The following NTNG1 variants were observed in gnomAD, a reference collection of about 807,000 sequenced individuals.
NTNG1 encodes the protein netrin G1, also known as netrin-G1.
Under a neutral mutation model 54.0 loss-of-function variants are expected in NTNG1, and 16 were observed. That is an observed-to-expected ratio of 0.30 (90% CI 0.20 to 0.45). NTNG1 has a LOEUF of 0.45. NTNG1 is among the 20% of genes least tolerant of loss of function. The pLI, the probability that NTNG1 is intolerant of heterozygous loss-of-function variation, is 1.00. For synonymous variants in NTNG1, 255 were observed against 263.1 expected (o/e 0.97, Z 0.30); for missense variants, 530 against 678.7 (o/e 0.78, Z 2.43).
At chr1:107,185,131 A>G (rs1657357112) in intron 2 of NTNG1, among the ~76,000 whole-genome samples, 1 of 152,198 alleles carries the variant, frequency 6.6e-6, no homozygotes, top group Admixed American at 6.5e-5. Flanking sequence ...AATTTGTTAC[A>G]TAGCAGCTTT....
chr1:107,339,428 A>G (rs1668775639), intron 3 of NTNG1, among the ~76,000 whole-genome samples: 1 of 152,142 alleles, frequency 6.6e-6, no homozygotes, highest in South Asian at 2.1e-4. Flanking sequence ...CCTATAATGT[A>G]TAACATACAC....
chr1:107,303,327 G>A (rs1666439658), intron 2 of NTNG1, among the ~76,000 whole-genome samples: 1 of 152,150 alleles, frequency 6.6e-6, no homozygotes, highest in Non-Finnish European at 1.5e-5. Flanking sequence ...GTTAACCACA[G>A]CAGATTAATG....
chr1:107,392,462 G>A lies in NTNG1; in HGVS notation c.888-2692G>A, dbSNP rs56770061. Reference sequence around the variant, plus strand: ...TAGGCCAGAACCCAGAGAACAGCATGTGTAGTCAACAGGCTGAAGAGGTTC... The same window carrying A: ...TAGGCCAGAACCCAGAGAACAGCATATGTAGTCAACAGGCTGAAGAGGTTC... On this transcript the variant is annotated intron_variant, in intron 3 of 7. Coordinates refer to ENST00000370068, the MANE Select transcript of NTNG1 (RefSeq NM_001113226.3). Among the ~76,000 whole-genome samples the A allele has an allele frequency of 2.8e-3, 431 of 152,188 alleles. 7 individuals carry two copies. Among genetic ancestry groups the A allele is most frequent in the African/African-American group, 9.6e-3 (399 of 41,538 alleles).
At chr1:107,234,424 C>T (rs1661270594) in intron 2 of NTNG1, among the ~76,000 whole-genome samples, 1 of 151,912 alleles carries the variant, frequency 6.6e-6, no homozygotes, top group African/African-American at 2.4e-5. Context: ...AACCCAGCCC[C>T]TTTTCAGTTT....
At chr1:107,214,187 T>C (rs1557815229) in intron 2 of NTNG1, among the ~76,000 whole-genome samples, 1 of 152,164 alleles carries the variant, frequency 6.6e-6, no homozygotes, top group Non-Finnish European at 1.5e-5. Context: ...ATAAGTTCTT[T>C]AGTGGTGATT....
At chr1:107,368,187 T>G (rs931168820) in intron 3 of NTNG1, among the ~76,000 whole-genome samples, 9 of 152,320 alleles carry the variant, frequency 5.9e-5, no homozygotes, top group Admixed American at 4.6e-4. Context: ...TACCTCTGGT[T>G]CCAATGTCTT....
intron 5 of NTNG1, among the ~76,000 whole-genome samples, chr1:107,417,662 C>T (rs1674310010): frequency 6.6e-6 from 1 of 151,992 alleles, no homozygotes; most frequent in Non-Finnish European, 1.5e-5. Flanking sequence ...AGCCAAGAGC[C>T]ATCCTTATGG....
At chr1:107,299,153 T>A (rs1666168729) in intron 2 of NTNG1, among the ~76,000 whole-genome samples, 1 of 152,158 alleles carries the variant, frequency 6.6e-6, no homozygotes, top group Admixed American at 6.6e-5. Context: ...ATTGTCCAGA[T>A]GATATTGAAT....
chr1:107,148,852 T>G lies in NTNG1; in HGVS notation c.246+13T>G, dbSNP rs1394316395. 4 of 1,609,552 alleles carry G rather than the reference T, an allele frequency of 2.5e-6. No individual in the cohort carries two copies. The highest frequency in any genetic ancestry group is 3.4e-6 in the Non-Finnish European group (4 of 1,176,702). On this transcript the variant is annotated intron_variant, in intron 2 of 7. Coordinates refer to ENST00000370068, the MANE Select transcript of NTNG1 (RefSeq NM_001113226.3). ...GTTCTGTGCAATGGTGAGGTAACCCTTTTGCATAAAATATTTCATATAAAT... is the reference window on the plus strand; with the variant it reads ...GTTCTGTGCAATGGTGAGGTAACCCGTTTGCATAAAATATTTCATATAAAT...
intron 3 of NTNG1, among the ~76,000 whole-genome samples, chr1:107,375,752 G>A (rs1406628508): frequency 6.6e-6 from 1 of 152,120 alleles, no homozygotes; most frequent in Non-Finnish European, 1.5e-5. Context: ...ATAATAAGCA[G>A]GATTTTTAGC....
chr1:107,390,079 G>C (rs1201108730), intron 3 of NTNG1, among the ~76,000 whole-genome samples: 1 of 152,138 alleles, frequency 6.6e-6, no homozygotes, highest in African/African-American at 2.4e-5. Context: ...TTTCACATCT[G>C]ATTGGAATGG....
chr1:107,350,489 T>A (rs1669536190), intron 3 of NTNG1, among the ~76,000 whole-genome samples: 1 of 152,202 alleles, frequency 6.6e-6, no homozygotes, highest in African/African-American at 2.4e-5. Flanking sequence ...CCTACTTCTG[T>A]GTATATATCA....
intron 3 of NTNG1, among the ~76,000 whole-genome samples, chr1:107,361,946 G>A (rs970138604): frequency 3.9e-5 from 6 of 152,116 alleles, no homozygotes; most frequent in African/African-American, 1.4e-4. Flanking sequence ...GGTCCATGGA[G>A]TACTCAGCTG....
At chr1:107,376,362 C>G (rs554700182) in intron 3 of NTNG1, among the ~76,000 whole-genome samples, 1 of 151,252 alleles carries the variant, frequency 6.6e-6, no homozygotes, top group Non-Finnish European at 1.5e-5. Context: ...GAGCCGAGGT[C>G]GCGCCACTGC....
chr1:107,218,003 G>A (rs569857919), intron 2 of NTNG1, among the ~76,000 whole-genome samples: 6 of 152,156 alleles, frequency 3.9e-5, no homozygotes, highest in African/African-American at 1.4e-4. Context: ...TTTTGTTGTT[G>A]ACTTTCTGAC....
intron 2 of NTNG1, among the ~76,000 whole-genome samples, chr1:107,282,278 C>CAGA (rs1336541373): frequency 6.6e-6 from 1 of 152,122 alleles, no homozygotes; most frequent in East Asian, 1.9e-4. Flanking sequence ...TTGTTGCCAA[C>CAGA]CCTTTCCTGT....
At chr1:107,357,214 A>G (rs1017331508) in intron 3 of NTNG1, among the ~76,000 whole-genome samples, 1 of 152,292 alleles carries the variant, frequency 6.6e-6, no homozygotes. Context: ...TATGCCCTAT[A>G]GTATATGAGA....
At chr1:107,152,001 T>C (rs1428924753) in intron 2 of NTNG1, among the ~76,000 whole-genome samples, 2 of 149,190 alleles carry the variant, frequency 1.3e-5, no homozygotes, top group Non-Finnish European at 2.9e-5. Context: ...TGCACACACA[T>C]ATATATATAC....
chr1:107,141,717 C>T (rs549917921), intron 1 of NTNG1, among the ~76,000 whole-genome samples: 2 of 152,048 alleles, frequency 1.3e-5, no homozygotes. Flanking sequence ...GCCGGTGATG[C>T]GTCCTCTTGT....
Sources: allele counts gnomAD v4.1 joint callset (sites outside exome capture counted in the v4.1 genomes callset), GRCh38; gene constraint gnomAD v4.1.1; transcripts MANE v1.5; gene names NCBI Gene and HGNC (gene_info 2026-07-23, HGNC 2026-07-21).